The following ICAM2 variants were observed in gnomAD, a reference collection of about 807,000 sequenced individuals.
ICAM2 encodes the protein intercellular adhesion molecule 2, also known as ICAM-2.
A neutral mutation model predicts 19.1 loss-of-function variants in ICAM2; 14 were observed. The observed-to-expected ratio is 0.73, with a 90% CI of 0.48 to 1.15. The LOEUF (loss-of-function observed/expected upper bound fraction) is 1.15, where lower values mean the gene tolerates loss of function less well. Among genes scored for constraint, ICAM2 ranks in the 50% most tolerant of loss-of-function variants. The probability of loss-of-function intolerance (pLI) is 0.00; values close to 1 mark genes in which losing one functional copy is unlikely to be tolerated. For synonymous variants in ICAM2, 153 were observed against 152.7 expected, an observed-to-expected ratio of 1.00 and a Z score of -0.01; for missense variants, 311 against 355.4, an observed-to-expected ratio of 0.88 and a Z score of 1.00.
intron 4 of ICAM2, chr17:64,003,272 A>C: frequency 2.4e-6 from 1 of 420,908 alleles, no homozygotes; most frequent in East Asian, 4.7e-5. Context: ...GAGCTGAGTG[A>C]ACTTCATGCC....
intron 1 of ICAM2, among the ~76,000 whole-genome samples, chr17:64,016,769 C>T (rs1567850576): frequency 6.6e-6 from 1 of 152,210 alleles, no homozygotes; most frequent in Non-Finnish European, 1.5e-5. Context: ...CTGGAATCAC[C>T]TCTCAAATAA....
Position 64,006,716 on chromosome 17 carries a change from A to C in ICAM2, c.-25T>G, listed in dbSNP as rs776908842. On this transcript the variant is annotated 5_prime_UTR_variant, in exon 2 of 5. Coordinates refer to ENST00000579788, the MANE Select transcript of ICAM2 (RefSeq NM_001099789.2). ...TCTCTGGCAGTCTCCACGGGCTCGC[A>C]GGGACCAGCCAAGGGCTGCCTGGAG... 95 of 1,612,790 alleles carry C rather than the reference A, an allele frequency of 5.9e-5. No homozygotes were observed. Among genetic ancestry groups the C allele is most frequent in the Non-Finnish European group, 9.3e-6 (11 of 1,178,974 alleles).
chr17:64,009,614 G>A (rs1293129928), intron 1 of ICAM2, among the ~76,000 whole-genome samples: 1 of 152,086 alleles, frequency 6.6e-6, no homozygotes, highest in Non-Finnish European at 1.5e-5. Context: ...TGCATACAGA[G>A]AGTTACTGTG....
chr17:64,009,306 T>G (rs933439226), intron 1 of ICAM2, among the ~76,000 whole-genome samples: 7 of 151,776 alleles, frequency 4.6e-5, no homozygotes, highest in Non-Finnish European at 8.8e-5. Flanking sequence ...ATTTACTGTT[T>G]TTTTTTTTTT....
intron 1 of ICAM2, among the ~76,000 whole-genome samples, chr17:64,012,338 C>G (rs1211902706): frequency 6.6e-6 from 1 of 152,054 alleles, no homozygotes; most frequent in East Asian, 1.9e-4. Flanking sequence ...TGGCTCATGC[C>G]TGTAATCCCA....
intron 1 of ICAM2, among the ~76,000 whole-genome samples, chr17:64,013,274 T>G (rs1430589526): frequency 1.3e-5 from 2 of 152,138 alleles, no homozygotes. Context: ...ATCGCACCAC[T>G]GCACTCTAGC....
intron 2 of ICAM2, 87 bp downstream of exon 2, chr17:64,006,544 T>C (rs1312018591): frequency 6.8e-6 from 8 of 1,169,968 alleles, no homozygotes. Flanking sequence ...TTGGGACTTC[T>C]CTTCCACCTG....
At chr17:64,014,707 AAGG>A (rs1911638124) in intron 1 of ICAM2, among the ~76,000 whole-genome samples, 75 of 11,240 alleles carry the variant, frequency 6.7e-3, no homozygotes, top group African/African-American at 8.7e-3. Context: ...GGAAGGAAGG[AAGG>A]AAGGAAGGAA....
intron 1 of ICAM2, among the ~76,000 whole-genome samples, chr17:64,020,217 C>T (rs1911894138): frequency 6.6e-6 from 1 of 151,798 alleles, no homozygotes; most frequent in Non-Finnish European, 1.5e-5. Context: ...AATAAGGAGG[C>T]AGCCCCACAT....
intron 3 of ICAM2, chr17:64,004,596 C>T (rs552266203): frequency 8.4e-5 from 16 of 190,024 alleles, no homozygotes; most frequent in Non-Finnish European, 1.1e-5. Flanking sequence ...ATGGAATGGA[C>T]CCAGGTGATA....
At chr17:64,010,799 T>G (rs568725142) in intron 1 of ICAM2, among the ~76,000 whole-genome samples, 1 of 152,330 alleles carries the variant, frequency 6.6e-6, no homozygotes, top group South Asian at 2.1e-4. Context: ...ATTATAATGT[T>G]TATTTTGAGA....
intron 1 of ICAM2, among the ~76,000 whole-genome samples, chr17:64,010,540 G>A (rs199585125): frequency 2.7e-3 from 385 of 144,430 alleles, no homozygotes; most frequent in Non-Finnish European, 2.7e-3. Flanking sequence ...TTGTTTGAAA[G>A]AAAAAAAAAA....
chr17:64,016,493 A>G (rs1911721398), intron 1 of ICAM2, among the ~76,000 whole-genome samples: 2 of 152,140 alleles, frequency 1.3e-5, no homozygotes, highest in African/African-American at 4.8e-5. Flanking sequence ...GGAACAATTT[A>G]CTTGCCAGCT....
In ICAM2 at chr17:64,005,158, A is replaced by G; in HGVS notation, c.277T>C (p.Phe93Leu). Residue 93 changes from phenylalanine (F) to leucine (L), a missense_variant, in exon 3 of 5, where the codon TTC becomes CTC. Coordinates refer to ENST00000579788, the MANE Select transcript of ICAM2 (RefSeq NM_001099789.2). ...GACTCCTGCTTCCCGGAGCAGGTGA[A>G]GTGGCATTGGAGGACCGTGTCATGG... ...ISHDTVLQCH[F>L]TCSGKQESMN... is the part of the protein sequence containing the mutation. The G allele has an allele frequency of 6.2e-7, 1 of 1,614,164 alleles. No homozygotes were observed. The highest frequency in any genetic ancestry group is 8.5e-7 in the Non-Finnish European group (1 of 1,180,018).
chr17:64,020,174 G>C (rs564327334), intron 1 of ICAM2, among the ~76,000 whole-genome samples: 155 of 152,112 alleles, frequency 1.0e-3, no homozygotes, highest in African/African-American at 3.7e-3. Flanking sequence ...CATCAGCTCA[G>C]ATGGTCCAGA....
chr17:64,020,102 T>C (rs1384614165), intron 1 of ICAM2, among the ~76,000 whole-genome samples: 1 of 151,770 alleles, frequency 6.6e-6, no homozygotes, highest in African/African-American at 2.4e-5. Context: ...AGTGAGTGAC[T>C]GAGATTCATT....
intron 1 of ICAM2, among the ~76,000 whole-genome samples, chr17:64,015,777 C>A (rs186033992): frequency 6.6e-6 from 1 of 151,918 alleles, no homozygotes; most frequent in East Asian, 1.9e-4. Flanking sequence ...AACTTGAATC[C>A]GTAATTTAAA....
intron 1 of ICAM2, among the ~76,000 whole-genome samples, chr17:64,009,266 G>A (rs1466719438): frequency 4.6e-5 from 7 of 151,984 alleles, no homozygotes; most frequent in African/African-American, 1.4e-4. Flanking sequence ...AAGCCTGGGC[G>A]AAGGCTGTTT....
chr17:64,002,991 G>C, intron 4 of ICAM2, 66 bp from the exon 5 acceptor site: 1 of 1,496,922 alleles, frequency 6.7e-7, no homozygotes, highest in African/African-American at 1.4e-5. Context: ...CCAAAAGGGA[G>C]TGGAAGTCCA....
Sources: gnomAD v4.1 joint callset for allele counts (sites outside exome capture counted in the v4.1 genomes callset) on GRCh38, gnomAD v4.1.1 for gene constraint, MANE v1.5 for transcripts, NCBI Gene and HGNC (gene_info 2026-07-23, HGNC 2026-07-21) for gene names.